Variants in FGGY observed in about 807,000 individuals in gnomAD.
FGGY encodes FGGY carbohydrate kinase domain containing.
FGGY carries 72 observed loss-of-function variants against 71.3 expected under a neutral mutation model. The ratio of observed to expected loss-of-function variants is 1.01; its 90% CI spans 0.84 to 1.23. The LOEUF is 1.23. Ranked by LOEUF, FGGY falls within the 50% of genes most tolerant of loss-of-function variation. The pLI is 0.00. For synonymous variants in FGGY, 251 were observed against 250.3 expected, an observed-to-expected ratio of 1.00 and a Z score of -0.02; for missense variants, 668 against 682.3, an observed-to-expected ratio of 0.98 and a Z score of 0.23.
At chr1:59,519,319 G>C (rs1040316199) in intron 7 of FGGY, among the ~76,000 whole-genome samples, 2 of 152,212 alleles carry the variant, frequency 1.3e-5, no homozygotes, top group East Asian at 3.8e-4. Flanking sequence ...ACTAGTTCAT[G>C]GGGTTAGACA....
At chr1:59,744,503 G>A (rs1359554355) in intron 14 of FGGY, among the ~76,000 whole-genome samples, 4 of 152,220 alleles carry the variant, frequency 2.6e-5, no homozygotes, top group Non-Finnish European at 5.9e-5. Context: ...TTACAGGCGT[G>A]AGCCACTGCG....
chr1:59,684,142 A>G lies in FGGY; in HGVS notation c.1512+10009A>G, dbSNP rs528607648. 1.8e-4 allele frequency among the ~76,000 whole-genome samples: 28 copies of G among 152,330 alleles called. No homozygotes were observed. In the South Asian group the frequency reaches 2.5e-3, roughly 14 times the overall value. On this transcript the variant is annotated intron_variant, in intron 14 of 15. Transcript: ENST00000303721. ...GCAGGGCAAGGAAGAATTAGACACAATGTCGGTACCCAAGGAATTCCCAGT... is the reference window on the plus strand; with the variant it reads ...GCAGGGCAAGGAAGAATTAGACACAGTGTCGGTACCCAAGGAATTCCCAGT...
intron 14 of FGGY, among the ~76,000 whole-genome samples, chr1:59,753,442 G>GATAAA (rs2098262611): frequency 7.8e-6 from 1 of 128,648 alleles, no homozygotes; most frequent in African/African-American, 2.9e-5. Context: ...GAGTCATTTT[G>GATAAA]ACTGTCTTTA....
rs71046339 is a variant in FGGY at position 59,721,337 on chromosome 1, G to GTTTTTTTTTTTTTTTTTTT, written c.1513-36593_1513-36575dup. Among the ~76,000 whole-genome samples, 76 of 105,362 alleles carry GTTTTTTTTTTTTTTTTTTT rather than the reference G, an allele frequency of 7.2e-4. 6 individuals carry two copies. The highest frequency in any genetic ancestry group is 1.3e-3 in the East Asian group (4 of 3,124). 69.1% of individuals were successfully genotyped at this position (105,362 alleles called of 152,430 possible). ...AGAGAGTTTTTCTTTTCTTTCCTTT[G>GTTTTTTTTTTTTTTTTTTT]TTTTTTTTTTTTTTTTTTTGAGACG... On this transcript the variant is annotated intron_variant, in intron 14 of 15. Coordinates refer to ENST00000303721, the MANE Select transcript of FGGY (RefSeq NM_018291.5).
chr1:59,506,558 G>C (rs1570370626), intron 6 of FGGY, among the ~76,000 whole-genome samples: 1 of 152,214 alleles, frequency 6.6e-6, no homozygotes, highest in African/African-American at 2.4e-5. Context: ...CAGCATTTTG[G>C]GAGGCCAAGG....
At chr1:59,648,179 T>C (rs970794634) in intron 11 of FGGY, among the ~76,000 whole-genome samples, 3 of 115,262 alleles carry the variant, frequency 2.6e-5, no homozygotes, top group Non-Finnish European at 5.1e-5. Context: ...TCCAAGTCTT[T>C]GCTATTGTGA....
At chr1:59,517,172 T>C (rs1439012118) in intron 7 of FGGY, among the ~76,000 whole-genome samples, 1 of 151,984 alleles carries the variant, frequency 6.6e-6, no homozygotes, top group Non-Finnish European at 1.5e-5. Context: ...TTCCAGGTCT[T>C]TTCTTGGCTC....
intron 8 of FGGY, among the ~76,000 whole-genome samples, chr1:59,602,836 G>A (rs896741703): frequency 6.6e-6 from 1 of 152,098 alleles, no homozygotes; most frequent in Non-Finnish European, 1.5e-5. Flanking sequence ...CACTTGCCAT[G>A]TTTTGTTGTT....
chr1:59,571,578 A>T (rs1228146172), intron 8 of FGGY, among the ~76,000 whole-genome samples: 1 of 152,220 alleles, frequency 6.6e-6, no homozygotes, highest in South Asian at 2.1e-4. Context: ...TACCAATTCC[A>T]TTCCTAGGTA....
intron 4 of FGGY, among the ~76,000 whole-genome samples, chr1:59,369,697 A>G (rs61788350): frequency 0.32 from 48,780 of 151,542 alleles, 8,161 homozygotes; most frequent in East Asian, 0.41. Context: ...ACACGGCCGG[A>G]TACTCCTCTG....
At chr1:59,716,985 T>A (rs1486636970) in intron 14 of FGGY, among the ~76,000 whole-genome samples, 1 of 152,122 alleles carries the variant, frequency 6.6e-6, no homozygotes, top group Non-Finnish European at 1.5e-5. Context: ...GTACCTGGGT[T>A]TCAGAATAAC....
chr1:59,363,176 A>G (rs2173034), intron 4 of FGGY, among the ~76,000 whole-genome samples: 16 of 152,344 alleles, frequency 1.1e-4, no homozygotes, highest in Non-Finnish European at 1.9e-4. Context: ...TAACAATCCT[A>G]TGAGTTAAAT....
chr1:59,435,240 A>G (rs2068176724), intron 5 of FGGY, among the ~76,000 whole-genome samples: 1 of 152,196 alleles, frequency 6.6e-6, no homozygotes, highest in African/African-American at 2.4e-5. Flanking sequence ...AGAGGTTGAT[A>G]TTTTGCCAGA....
At chr1:59,563,591 A>G (rs1027871469) in intron 8 of FGGY, among the ~76,000 whole-genome samples, 1 of 152,224 alleles carries the variant, frequency 6.6e-6, no homozygotes, top group African/African-American at 2.4e-5. Flanking sequence ...GGAAGAATCA[A>G]TATCGTGAAA....
At chr1:59,566,277 G>A (rs984770220) in intron 8 of FGGY, among the ~76,000 whole-genome samples, 3 of 152,100 alleles carry the variant, frequency 2.0e-5, no homozygotes, top group Non-Finnish European at 4.4e-5. Context: ...GCATGCATGA[G>A]CTCATTTAGT....
At chr1:59,730,796 T>G (rs1275122796) in intron 14 of FGGY, among the ~76,000 whole-genome samples, 1 of 151,812 alleles carries the variant, frequency 6.6e-6, no homozygotes, top group African/African-American at 2.4e-5. Flanking sequence ...CTGAGTTGAG[T>G]TGTAAACAAT....
chr1:59,684,938 C>A (rs1418987024), intron 14 of FGGY, among the ~76,000 whole-genome samples: 3 of 152,190 alleles, frequency 2.0e-5, no homozygotes, highest in Non-Finnish European at 4.4e-5. Flanking sequence ...TCCCTGTGTT[C>A]ATTTGATCTT....
chr1:59,373,096 A>G (rs1003193556), intron 4 of FGGY, among the ~76,000 whole-genome samples: 17 of 152,130 alleles, frequency 1.1e-4, no homozygotes, highest in Non-Finnish European at 1.0e-4. Flanking sequence ...TGGGTATTCA[A>G]TTAGGAAAAG....
intron 14 of FGGY, among the ~76,000 whole-genome samples, chr1:59,707,890 T>G (rs545770243): frequency 6.6e-6 from 1 of 152,206 alleles, no homozygotes; most frequent in African/African-American, 2.4e-5. Flanking sequence ...TCTGTTTGAA[T>G]AGGTGTTTAC....
Sources: allele counts gnomAD v4.1 joint callset (sites outside exome capture counted in the v4.1 genomes callset), GRCh38; gene constraint gnomAD v4.1.1; transcripts MANE v1.5; gene names NCBI Gene and HGNC (gene_info 2026-07-23, HGNC 2026-07-21).